Variants in ITPRID1 observed in about 807,000 individuals in gnomAD.
The protein encoded by ITPRID1 is ITPR interacting domain containing 1.
ITPRID1 carries 96 observed loss-of-function variants against 95.4 expected under a neutral mutation model. The ratio of observed to expected loss-of-function variants is 1.01; its 90% CI spans 0.85 to 1.19. ITPRID1 has a LOEUF of 1.19. Among genes scored for constraint, ITPRID1 ranks in the 50% most tolerant of loss-of-function variants. The pLI is 0.00. For missense variants in ITPRID1, 1,339 were observed against 1,252.9 expected (o/e 1.07, Z -1.04); for synonymous variants, 510 against 453.6 (o/e 1.12, Z -1.58).
intron 1 of ITPRID1, among the ~76,000 whole-genome samples, chr7:31,528,235 A>G (rs73083427): frequency 0.13 from 20,244 of 152,122 alleles, 1,787 homozygotes; most frequent in Non-Finnish European, 0.19. Context: ...ATGGATAATC[A>G]AAGTATGGGT....
chr7:31,515,924 A>C (rs925603458), intron 1 of ITPRID1, among the ~76,000 whole-genome samples: 3 of 152,242 alleles, frequency 2.0e-5, no homozygotes, highest in Non-Finnish European at 4.4e-5. Context: ...TCTGTTTCAT[A>C]TAAGATGATA....
At chr7:31,569,162 G>C (rs1201457501) in intron 5 of ITPRID1, among the ~76,000 whole-genome samples, 1 of 152,156 alleles carries the variant, frequency 6.6e-6, no homozygotes, top group African/African-American at 2.4e-5. Context: ...CTAAAGTTCT[G>C]TGAATCTCAG....
intron 10 of ITPRID1, among the ~76,000 whole-genome samples, chr7:31,618,151 A>G (rs1020749686): frequency 6.6e-6 from 1 of 152,186 alleles, no homozygotes; most frequent in African/African-American, 2.4e-5. Context: ...ACTATGACTA[A>G]GTCACCCAGA....
intron 1 of ITPRID1, among the ~76,000 whole-genome samples, chr7:31,545,456 A>C (rs1024437754): frequency 2.6e-5 from 4 of 152,110 alleles, no homozygotes; most frequent in Non-Finnish European, 5.9e-5. Context: ...GAGGAAAAAA[A>C]AATCTCTTTA....
intron 12 of ITPRID1, among the ~76,000 whole-genome samples, chr7:31,650,642 G>A (rs909401657): frequency 4.6e-5 from 7 of 152,114 alleles, no homozygotes; most frequent in African/African-American, 1.7e-4. Flanking sequence ...CAACCTCCAG[G>A]ACTGTGACTA....
intron 1 of ITPRID1, among the ~76,000 whole-genome samples, chr7:31,527,082 G>A (rs1783444628): frequency 6.6e-6 from 1 of 152,080 alleles, no homozygotes; most frequent in Non-Finnish European, 1.5e-5. Context: ...TTTGCAAGTG[G>A]AATTTATTCT....
intron 1 of ITPRID1, among the ~76,000 whole-genome samples, chr7:31,543,530 T>C (rs1456666552): frequency 1.3e-5 from 2 of 152,116 alleles, no homozygotes; most frequent in African/African-American, 2.4e-5. Context: ...TTTCTGATGA[T>C]AAATTGAGCG....
intron 1 of ITPRID1, among the ~76,000 whole-genome samples, chr7:31,533,524 T>C (rs1049708337): frequency 1.3e-5 from 2 of 152,210 alleles, no homozygotes; most frequent in Non-Finnish European, 2.9e-5. Context: ...ATTTAATTTT[T>C]CTTCTTTCCC....
chr7:31,642,093 T>C, intron 10 of ITPRID1, 83 bp from the exon 11 acceptor site: 1 of 855,972 alleles, frequency 1.2e-6, no homozygotes, highest in Non-Finnish European at 1.8e-6. Flanking sequence ...CCATGGTGTG[T>C]CAGGCACCTA....
At position 31,656,041 on chromosome 7, in the gene ITPRID1, T is replaced by C; in HGVS notation, c.*3212T>C. The C allele has an allele frequency of 1.0e-6, 1 of 982,126 alleles. No individual in the cohort carries two copies. The highest frequency in any genetic ancestry group is 1.2e-6 in the Non-Finnish European group (1 of 826,896). The allele number at this position is 982,126 out of a possible 1,614,324, so 60.8% of individuals were successfully genotyped here. A position where few individuals can be genotyped will look rare whatever the true frequency, so the allele number is the denominator to read the frequency against. ...ACAAATGAAGTATCTCACCAGTAAG[T>C]CCTAGGGCAGACCCCATCTCCTACA... On this transcript the variant is annotated 3_prime_UTR_variant, in exon 15 of 15. Coordinates refer to ENST00000615280, the MANE Select transcript of ITPRID1 (RefSeq NM_001257967.3).
chr7:31,640,629 T>C (rs11765670), intron 10 of ITPRID1, among the ~76,000 whole-genome samples: 2 of 151,918 alleles, frequency 1.3e-5, no homozygotes, highest in African/African-American at 4.8e-5. Flanking sequence ...CTGAGGTCCA[T>C]TGTCTCGAAA....
In ITPRID1 at chr7:31,578,008, G is replaced by A. The variant is rs1465354791; in HGVS notation, c.744G>A (p.Glu248=). Residue 248 remains glutamate, a synonymous_variant, in exon 9 of 15, where the codon GAG becomes GAA. Coordinates refer to ENST00000615280, the MANE Select transcript of ITPRID1 (RefSeq NM_001257967.3). The part of the protein sequence containing the change: ...VQRTSVSAAK[E]HRRRMGKLLR... ...GAACCTCAGTGAGTGCCGCCAAAGA[G>A]CATCGAAGAAGAATGGGTAAACTCT... The A allele has an allele frequency of 1.2e-6, 2 of 1,613,720 alleles. No individual in the cohort carries two copies. The highest frequency in any genetic ancestry group is 1.7e-6 in the Non-Finnish European group (2 of 1,179,862).
At chr7:31,522,157 A>G (rs217163) in intron 1 of ITPRID1, among the ~76,000 whole-genome samples, 61,718 of 151,474 alleles carry the variant, frequency 0.41, 13,422 homozygotes, top group East Asian at 0.61. Flanking sequence ...GTTGTTTTTC[A>G]TATTTCTCCG....
chr7:31,613,303 T>G (rs1262009078), intron 10 of ITPRID1, among the ~76,000 whole-genome samples: 1 of 152,284 alleles, frequency 6.6e-6, no homozygotes, highest in East Asian at 1.9e-4. Context: ...GTATAAATGC[T>G]CCTCAGATTA....
intron 1 of ITPRID1, among the ~76,000 whole-genome samples, chr7:31,525,693 A>AG (rs1375159423): frequency 5.9e-5 from 9 of 152,286 alleles, no homozygotes; most frequent in Admixed American, 5.9e-4. Flanking sequence ...TTTAACTCTA[A>AG]GGGGGGAAAT....
In ITPRID1 at chr7:31,574,752, G is replaced by C. The variant is rs375162818; in HGVS notation, c.598+10G>C. On this transcript the variant is annotated intron_variant, in intron 8 of 14. Transcript: ENST00000615280. ...AACCCCAACTTGTACGGTAAGCGAG[G>C]TGCCTGTGGCATTCGCATCTCAGCA... 3.0e-5 allele frequency: 48 copies of C among 1,613,162 alleles called. No homozygotes were observed. The highest frequency in any genetic ancestry group is 3.9e-5 in the Non-Finnish European group (46 of 1,179,380).
chr7:31,624,103 T>C (rs1052812358), intron 10 of ITPRID1, among the ~76,000 whole-genome samples: 9 of 150,916 alleles, frequency 6.0e-5, no homozygotes, highest in Middle Eastern at 3.4e-3. Flanking sequence ...TACAAACCAC[T>C]GCTCAATGAA....
chr7:31,603,440 A>C (rs1786483739), intron 10 of ITPRID1, among the ~76,000 whole-genome samples: 1 of 147,502 alleles, frequency 6.8e-6, no homozygotes, highest in African/African-American at 2.4e-5. Context: ...CCATGGGGAT[A>C]TTTTGCAGCC....
intron 8 of ITPRID1, among the ~76,000 whole-genome samples, chr7:31,575,477 G>T (rs1410919281): frequency 6.6e-6 from 1 of 152,176 alleles, no homozygotes; most frequent in Non-Finnish European, 1.5e-5. Flanking sequence ...TCTTGAGGGT[G>T]CCTGTACTGT....
Sources: allele counts gnomAD v4.1 joint callset (sites outside exome capture counted in the v4.1 genomes callset), GRCh38; gene constraint gnomAD v4.1.1; transcripts MANE v1.5; gene names NCBI Gene and HGNC (gene_info 2026-07-23, HGNC 2026-07-21).